MAP3K21: variants seen among roughly 807,000 people sequenced by gnomAD.
The protein encoded by MAP3K21 is mitogen-activated protein kinase kinase kinase 21, also known as mitogen-activated protein kinase kinase kinase MLK4.
A neutral mutation model predicts 86.1 loss-of-function variants in MAP3K21; 63 were observed. The observed-to-expected ratio is 0.73, with a 90% CI of 0.60 to 0.90. The LOEUF is 0.90. MAP3K21 is among the 40% of genes least tolerant of loss of function. The pLI is 0.00. For synonymous variants in MAP3K21, 558 were observed against 564.8 expected (o/e 0.99, Z 0.17); for missense variants, 1,220 against 1,367.7 (o/e 0.89, Z 1.70).
In MAP3K21 at chr1:233,328,446, C is replaced by A. The variant is rs867543710; in HGVS notation, c.418C>A (p.Arg140Ser). The A allele has an allele frequency of 6.7e-7, 1 of 1,495,140 alleles. No individual in the cohort carries two copies. Among genetic ancestry groups the A allele is most frequent in the Non-Finnish European group, 8.8e-7 (1 of 1,131,908 alleles). The allele number at this position is 1,495,140 out of a possible 1,614,324, so 92.6% of individuals were successfully genotyped here. Residue 140 changes from arginine to serine, a missense_variant, in exon 1 of 10, where the codon CGC becomes AGC. Physicochemically the swap from Arg to Ser is moderately radical, Grantham distance 110. Around this residue, in one of 5 missense-constraint regions of MAP3K21, gnomAD observed 369 missense variants for 385.3 expected, o/e 0.96. Transcript: ENST00000366624. The surrounding 1 kb of genome is among the most constrained non-coding windows in gnomAD (Gnocchi z 8.7). ...IGAGGFGQVY[R>S]ATWQGQEVAV... ...CGCTGGGGGCTTCGGGCAGGTGTAC[C>A]GCGCCACCTGGCAGGGCCAGGAGGT...
At chr1:233,358,477 T>TTG (rs1553338888) in intron 4 of MAP3K21, among the ~76,000 whole-genome samples, 1 of 135,240 alleles carries the variant, frequency 7.4e-6, no homozygotes, top group Non-Finnish European at 1.7e-5. Context: ...TAATTTGTTT[T>TTG]TTTTTTTTTT....
At chr1:233,359,880 A>G (rs1195431282) in intron 4 of MAP3K21, among the ~76,000 whole-genome samples, 1 of 152,218 alleles carries the variant, frequency 6.6e-6, no homozygotes, top group Admixed American at 6.5e-5. Flanking sequence ...AATGTGTTCA[A>G]ATTTATTCAG....
In MAP3K21 at chr1:233,384,294, A is replaced by G. The variant is rs1052118288; in HGVS notation, c.*1583A>G. On this transcript the variant is annotated 3_prime_UTR_variant, in exon 10 of 10. Coordinates refer to ENST00000366624, the MANE Select transcript of MAP3K21 (RefSeq NM_032435.3). Reference sequence around the variant, plus strand: ...GCAGCATTGTGGTTGCCTAACAGGTATATCCAGCAGATGAGAAACAGTATG... The same window carrying G: ...GCAGCATTGTGGTTGCCTAACAGGTGTATCCAGCAGATGAGAAACAGTATG... The G allele has an allele frequency of 4.6e-5, 7 of 152,348 alleles. No homozygotes were observed. Among genetic ancestry groups the G allele is most frequent in the African/African-American group, 1.7e-4 (7 of 41,590 alleles). The allele number at this position is 152,348 out of a possible 1,614,324, so 9.4% of individuals were successfully genotyped here. A position where few individuals can be genotyped will look rare whatever the true frequency, so the allele number is the denominator to read the frequency against.
At chr1:233,369,173 C>T (rs927896849) in intron 5 of MAP3K21, among the ~76,000 whole-genome samples, 6 of 144,856 alleles carry the variant, frequency 4.1e-5, no homozygotes, top group South Asian at 4.3e-4. Context: ...TAACGGAGTT[C>T]GAAACCAGCC....
At chr1:233,343,111 C>T (rs1663069601) in intron 1 of MAP3K21, among the ~76,000 whole-genome samples, 1 of 152,144 alleles carries the variant, frequency 6.6e-6, no homozygotes, top group African/African-American at 2.4e-5. Flanking sequence ...ATTGGGTTCC[C>T]TCCAATTGCA....
intron 4 of MAP3K21, 44 bp from the exon 5 acceptor site, chr1:233,362,008 CT>C (rs767222859): frequency 1.6e-5 from 25 of 1,593,742 alleles, no homozygotes; most frequent in Non-Finnish European, 2.1e-5. Flanking sequence ...GAATTCCCTT[CT>C]TCCTGCTGGG....
chr1:233,370,201 C>T (rs557931456), intron 5 of MAP3K21, among the ~76,000 whole-genome samples: 1 of 152,202 alleles, frequency 6.6e-6, no homozygotes, highest in Non-Finnish European at 1.5e-5. Context: ...GTCCCAACCC[C>T]TGTGGTAAGT....
At chr1:233,380,974 T>C (rs565979699) in intron 9 of MAP3K21, among the ~76,000 whole-genome samples, 2 of 152,290 alleles carry the variant, frequency 1.3e-5, no homozygotes, top group African/African-American at 4.8e-5. Flanking sequence ...AGCTTTGAGA[T>C]TTCTGGGGTT....
At chr1:233,334,721 A>G (rs1238745853) in intron 1 of MAP3K21, among the ~76,000 whole-genome samples, 1 of 152,200 alleles carries the variant, frequency 6.6e-6, no homozygotes, top group East Asian at 1.9e-4. Context: ...ATTGAGGAGT[A>G]GTGTAGTATG....
intron 1 of MAP3K21, among the ~76,000 whole-genome samples, chr1:233,337,403 T>C (rs1662938335): frequency 6.6e-6 from 1 of 152,210 alleles, no homozygotes; most frequent in Admixed American, 6.5e-5. Context: ...CATTTTAATA[T>C]TTTACTTAGA....
chr1:233,350,136 T>C (rs1343058137), intron 2 of MAP3K21, among the ~76,000 whole-genome samples: 1 of 152,194 alleles, frequency 6.6e-6, no homozygotes, highest in Non-Finnish European at 1.5e-5. Context: ...CATCCTCCCG[T>C]GTACTTTAAA....
intron 1 of MAP3K21, among the ~76,000 whole-genome samples, chr1:233,341,575 C>A (rs1663040530): frequency 6.6e-6 from 1 of 152,122 alleles, no homozygotes; most frequent in East Asian, 1.9e-4. Context: ...ACTGTCAGAA[C>A]CAAGTCTGCT....
intron 5 of MAP3K21, among the ~76,000 whole-genome samples, chr1:233,363,851 CA>C (rs71793740): frequency 0.024 from 3,097 of 128,526 alleles, 105 homozygotes; most frequent in African/African-American, 0.079. Flanking sequence ...TACTAAAATA[CA>C]AAAAAAAAAA....
chr1:233,359,929 T>A (rs1663435907), intron 4 of MAP3K21, among the ~76,000 whole-genome samples: 1 of 152,252 alleles, frequency 6.6e-6, no homozygotes, highest in African/African-American at 2.4e-5. Flanking sequence ...TCAATCTTAT[T>A]TTTTTCTTTT....
rs1019795255 is a variant in MAP3K21, at chr1:233,376,306, T to C, written c.1827-124T>C. 22 of 798,846 alleles carry C rather than the reference T, an allele frequency of 2.8e-5. No individual in the cohort carries two copies. In the African/African-American group the frequency reaches 3.9e-4, roughly 14 times the overall value. The allele number at this position is 798,846 out of a possible 1,614,324, so 49.5% of individuals were successfully genotyped here. A position where few individuals can be genotyped will look rare whatever the true frequency, so the allele number is the denominator to read the frequency against. Reference sequence around the variant, plus strand: ...GTATTATTTGTACTTTGTCAGCCCTTCAAAACTGAGTACAAATGTGTTCTC... The same window carrying C: ...GTATTATTTGTACTTTGTCAGCCCTCCAAAACTGAGTACAAATGTGTTCTC... On this transcript the variant is annotated intron_variant, in intron 7 of 9. Transcript: ENST00000366624.
At chr1:233,357,725 G>T (rs1663391160) in intron 4 of MAP3K21, among the ~76,000 whole-genome samples, 1 of 152,190 alleles carries the variant, frequency 6.6e-6, no homozygotes, top group African/African-American at 2.4e-5. Flanking sequence ...GCACACAAGG[G>T]GGTGGGGACT....
At chr1:233,352,974 G>A (rs1048822828) in intron 2 of MAP3K21, among the ~76,000 whole-genome samples, 4 of 152,170 alleles carry the variant, frequency 2.6e-5, no homozygotes, top group African/African-American at 7.2e-5. Flanking sequence ...TTGAATTTGG[G>A]CTATCAGTCT....
chr1:233,367,636 G>C (rs751487406), intron 5 of MAP3K21, among the ~76,000 whole-genome samples: 2 of 152,122 alleles, frequency 1.3e-5, no homozygotes, highest in Non-Finnish European at 1.5e-5. Flanking sequence ...AAGGCAGGCA[G>C]ATCACCTGAG....
At chr1:233,359,290 A>G (rs964502896) in intron 4 of MAP3K21, among the ~76,000 whole-genome samples, 2 of 152,142 alleles carry the variant, frequency 1.3e-5, no homozygotes, top group African/African-American at 2.4e-5. Context: ...TTTTTGAGCT[A>G]CCATGTAGTA....
Sources: gnomAD v4.1 joint callset for allele counts (sites outside exome capture counted in the v4.1 genomes callset) on GRCh38, gnomAD v4.1.1 for gene constraint, gnomAD v4.1.1 regional missense constraint, Gnocchi (gnomAD v3.1) non-coding constraint, MANE v1.5 for transcripts, NCBI Gene and HGNC (gene_info 2026-07-23, HGNC 2026-07-21) for gene names.